MAST4: variants seen among roughly 807,000 people sequenced by gnomAD.
MAST4 encodes microtubule associated serine/threonine kinase family member 4.
A neutral mutation model predicts 162.7 loss-of-function variants in MAST4; 89 were observed. The observed-to-expected ratio is 0.55, with a 90% CI of 0.46 to 0.65. MAST4 has a LOEUF of 0.65. Ranked by LOEUF, MAST4 falls within the 30% of genes least tolerant of loss-of-function variation. The pLI is 0.00. For missense variants in MAST4, 3,153 were observed against 3,374.0 expected (o/e 0.93, Z 1.62); for synonymous variants, 1,479 against 1,361.1 (o/e 1.09, Z -1.91).
chr5:66,916,921 G>A (rs546355486), intron 4 of MAST4: 6 of 714,078 alleles, frequency 8.4e-6, no homozygotes, highest in South Asian at 7.5e-5. Flanking sequence ...ACAACAAACA[G>A]TGCTGCAATA....
chr5:66,708,117 T>C (rs537005922), intron 1 of MAST4, among the ~76,000 whole-genome samples: 6 of 152,312 alleles, frequency 3.9e-5, no homozygotes, highest in Non-Finnish European at 7.4e-5. Flanking sequence ...CCAACCTAGA[T>C]TCAAACACAG....
At chr5:66,659,901 G>A (rs1476699046) in intron 1 of MAST4, among the ~76,000 whole-genome samples, 3 of 152,266 alleles carry the variant, frequency 2.0e-5, no homozygotes, top group Non-Finnish European at 2.9e-5. Flanking sequence ...GGGTGGGAAA[G>A]TGAAAGAGTG....
intron 3 of MAST4, among the ~76,000 whole-genome samples, chr5:66,830,386 A>G (rs1195289318): frequency 3.9e-5 from 6 of 152,206 alleles, no homozygotes; most frequent in Non-Finnish European, 7.3e-5. Context: ...AAATAAAGGA[A>G]TCATTATTTT....
chr5:66,964,246 A>G (rs1157250218), intron 4 of MAST4, among the ~76,000 whole-genome samples: 3 of 152,164 alleles, frequency 2.0e-5, no homozygotes, highest in Admixed American at 6.5e-5. Flanking sequence ...TCCAAGGTAT[A>G]TACTCCTACC....
intron 4 of MAST4, among the ~76,000 whole-genome samples, chr5:66,951,521 G>T (rs1206459861): frequency 6.6e-6 from 1 of 151,436 alleles, no homozygotes; most frequent in Non-Finnish European, 1.5e-5. Flanking sequence ...AGCCCCTTTT[G>T]TCATGTAAAA....
intron 3 of MAST4, among the ~76,000 whole-genome samples, chr5:66,855,977 C>T (rs1759654607): frequency 6.6e-6 from 1 of 152,090 alleles, no homozygotes; most frequent in Non-Finnish European, 1.5e-5. Flanking sequence ...GTCTGGGCAA[C>T]ATAGCAAGAC....
intron 21 of MAST4, 108 bp downstream of exon 21, chr5:67,142,641 T>G (rs756550319): frequency 1.4e-6 from 1 of 722,752 alleles, no homozygotes; most frequent in Non-Finnish European, 2.3e-6. Context: ...GGGTTTGAGG[T>G]CTCCTATGCT....
intron 1 of MAST4, among the ~76,000 whole-genome samples, chr5:66,620,581 G>C (rs760935050): frequency 5.3e-5 from 8 of 152,130 alleles, no homozygotes; most frequent in Non-Finnish European, 1.0e-4. Context: ...TGCTGTAATA[G>C]AGAAAAATTT....
chr5:66,918,763 A>C (rs959590915), intron 4 of MAST4, among the ~76,000 whole-genome samples: 1 of 152,176 alleles, frequency 6.6e-6, no homozygotes, highest in African/African-American at 2.4e-5. Context: ...TAAGTAGAAA[A>C]AATTATTAGT....
At chr5:66,954,816 G>T (rs965075914) in intron 4 of MAST4, among the ~76,000 whole-genome samples, 3 of 151,792 alleles carry the variant, frequency 2.0e-5, no homozygotes, top group African/African-American at 7.3e-5. Flanking sequence ...TAGGAGAATC[G>T]CTTGAACCCT....
At chr5:67,046,477 A>G (rs1439561393) in intron 4 of MAST4, among the ~76,000 whole-genome samples, 1 of 152,186 alleles carries the variant, frequency 6.6e-6, no homozygotes, top group Non-Finnish European at 1.5e-5. Context: ...TTATCTGTGA[A>G]TCAGTCTTAT....
chr5:67,150,539 C>A (rs1232724528), intron 24 of MAST4, among the ~76,000 whole-genome samples: 1 of 152,178 alleles, frequency 6.6e-6, no homozygotes, highest in Non-Finnish European at 1.5e-5. Context: ...TGTGACTCTT[C>A]ATAAGCTGAA....
chr5:67,161,417 G>A (rs533100482), intron 27 of MAST4, among the ~76,000 whole-genome samples: 35 of 152,192 alleles, frequency 2.3e-4, no homozygotes, highest in Admixed American at 1.2e-3. Flanking sequence ...AATACCGGCC[G>A]TTTTTCTAAC....
chr5:66,636,861 C>A (rs1219190617), intron 1 of MAST4, among the ~76,000 whole-genome samples: 1 of 152,190 alleles, frequency 6.6e-6, no homozygotes, highest in Non-Finnish European at 1.5e-5. Context: ...TAGCTTCCAT[C>A]TTTCTCTATG....
chr5:66,666,288 G>A (rs1414976151), intron 1 of MAST4, among the ~76,000 whole-genome samples: 2 of 152,138 alleles, frequency 1.3e-5, no homozygotes, highest in Non-Finnish European at 2.9e-5. Context: ...TTTCTCTTCA[G>A]ACCGCTCTCT....
At chr5:66,866,608 T>A (rs921402765) in intron 3 of MAST4, among the ~76,000 whole-genome samples, 1 of 152,220 alleles carries the variant, frequency 6.6e-6, no homozygotes, top group Admixed American at 6.5e-5. Context: ...TTGTAATGGC[T>A]TTGTTACATT....
In MAST4 at chr5:67,163,415, C is replaced by T. The variant is rs948347916; in HGVS notation, c.4236C>T (p.Ala1412=). The change falls in exon 29 of 29, where the codon GCC becomes GCT. Residue 1412 remains alanine (A), a synonymous_variant. Transcript: ENST00000403625. This position sits in a 1 kb window ranked among gnomAD's most constrained non-coding sequence, Gnocchi z 7.0. ...HSLGNSKIAQ[A]FPSKMHSPPT... ...TGGGCAATTCCAAGATCGCGCAAGC[C>T]TTTCCCAGCAAGATGCACTCCCCGC... is the stretch of plus-strand genomic sequence containing the variant. 6.2e-7 allele frequency: 1 copy of T among 1,612,922 alleles called. No homozygotes were observed. Among genetic ancestry groups the T allele is most frequent in the Non-Finnish European group, 8.5e-7 (1 of 1,179,888 alleles).
chr5:67,134,746 A>C, intron 18 of MAST4, 58 bp downstream of exon 18: 1 of 1,427,860 alleles, frequency 7.0e-7, no homozygotes, highest in Non-Finnish European at 9.6e-7. Context: ...ATTTAATGTA[A>C]ATCTGTTGAG....
At chr5:66,948,594 T>G (rs1744306306) in intron 4 of MAST4, among the ~76,000 whole-genome samples, 1 of 152,110 alleles carries the variant, frequency 6.6e-6, no homozygotes, top group South Asian at 2.1e-4. Flanking sequence ...CTACTCTTGG[T>G]ACTCACAAGC....
Sources: gnomAD v4.1 joint callset for allele counts (sites outside exome capture counted in the v4.1 genomes callset) on GRCh38, gnomAD v4.1.1 for gene constraint, Gnocchi (gnomAD v3.1) non-coding constraint, MANE v1.5 for transcripts, NCBI Gene and HGNC (gene_info 2026-07-23, HGNC 2026-07-21) for gene names.